Variants in ZNF274 observed in about 807,000 individuals in gnomAD.
The protein encoded by ZNF274 is neurotrophin receptor-interacting factor homolog.
A neutral mutation model predicts 42.5 loss-of-function variants in ZNF274; 23 were observed. The ratio of observed to expected loss-of-function variants is 0.54; its 90% CI spans 0.39 to 0.77. The LOEUF is 0.77. ZNF274 is among the 30% of genes least tolerant of loss of function. The pLI is 0.00. For synonymous variants in ZNF274, 292 were observed against 305.4 expected (o/e 0.96, Z 0.46); for missense variants, 679 against 806.5 (o/e 0.84, Z 1.91).
At chr19:58,200,841 T>C (rs1300068140) in intron 4 of ZNF274, among the ~76,000 whole-genome samples, 1 of 152,098 alleles carries the variant, frequency 6.6e-6, no homozygotes, top group East Asian at 1.9e-4. Context: ...GAGATTTAAT[T>C]GGCTCACAGT....
intron 4 of ZNF274, among the ~76,000 whole-genome samples, chr19:58,201,366 G>A (rs967203017): frequency 6.6e-6 from 1 of 151,554 alleles, no homozygotes; most frequent in South Asian, 2.1e-4. Flanking sequence ...CAGGAGGATG[G>A]TGCTAAGCCA....
intron 4 of ZNF274, among the ~76,000 whole-genome samples, chr19:58,193,336 C>T (rs2075800376): frequency 6.6e-6 from 1 of 150,960 alleles, no homozygotes. Flanking sequence ...TTAGTAGAGA[C>T]AGGGTTTCAC....
Position 58,211,405 on chromosome 19 carries a change from T to G in ZNF274, c.853-155T>G, listed in dbSNP as rs2076038218. 1.1e-6 allele frequency: 1 copy of G among 934,736 alleles called. No homozygotes were observed. The highest frequency in any genetic ancestry group is 1.5e-6 in the Non-Finnish European group (1 of 652,972). 57.9% of individuals were successfully genotyped at this position (934,736 alleles called of 1,614,324 possible). A position where few individuals can be genotyped will look rare whatever the true frequency, so the allele number is the denominator to read the frequency against. On this transcript the variant is annotated intron_variant, in intron 6 of 7. Coordinates refer to ENST00000617501, the MANE Select transcript of ZNF274 (RefSeq NM_133502.3). This position sits in a 1 kb window ranked among gnomAD's most constrained non-coding sequence, Gnocchi z 4.8. The stretch of plus-strand genomic sequence containing the variant: ...TGGTTTGGACCCAGTAGAACTCTTG[T>G]GGGCCCTGGGTTGGTGTCTCTGAGC...
At chr19:58,194,440 C>T (rs556227535) in intron 4 of ZNF274, among the ~76,000 whole-genome samples, 39 of 133,390 alleles carry the variant, frequency 2.9e-4, no homozygotes, top group African/African-American at 1.1e-3. Flanking sequence ...GTGCAGTGGC[C>T]CCATCTCACA....
chr19:58,188,720 AT>A (rs2075742843), intron 4 of ZNF274, among the ~76,000 whole-genome samples: 2 of 123,486 alleles, frequency 1.6e-5, no homozygotes, highest in Non-Finnish European at 3.6e-5. Context: ...ATATATATAT[AT>A]ATAAATCTTT....
At chr19:58,188,755 C>T (rs2075744072) in intron 4 of ZNF274, among the ~76,000 whole-genome samples, 1 of 133,814 alleles carries the variant, frequency 7.5e-6, no homozygotes, top group African/African-American at 2.9e-5. Context: ...GCACCAGGGG[C>T]TCATGCCTAT....
Position 58,212,887 on chromosome 19 carries a change from G to A in ZNF274, c.1706G>A (p.Gly569Glu). 6.2e-7 allele frequency: 1 copy of A among 1,614,042 alleles called. No individual in the cohort carries two copies. Among genetic ancestry groups the A allele is most frequent in the Non-Finnish European group, 8.5e-7 (1 of 1,179,910 alleles). ...GERPFECQECGRTFNDRSAIS... is the reference protein window; with the variant it reads ...GERPFECQECERTFNDRSAIS... ...AGACCATTTGAATGTCAGGAGTGTG[G>A]GAGGACCTTCAATGATCGCTCAGCC... The change falls in exon 8 of 8, where the codon GGG becomes GAG. Residue 569 changes from glycine to glutamate, a missense_variant. By Grantham distance (98) the Gly-to-Glu change is moderately conservative (BLOSUM62 -2). This residue lies in a region of ZNF274 where 456 missense variants were observed against 590.1 expected (regional missense o/e 0.77). Transcript: ENST00000617501. This position sits in a 1 kb window ranked among gnomAD's most constrained non-coding sequence, Gnocchi z 4.6.
intron 4 of ZNF274, among the ~76,000 whole-genome samples, chr19:58,195,665 C>T (rs912838001): frequency 6.6e-6 from 1 of 152,296 alleles, no homozygotes; most frequent in Non-Finnish European, 1.5e-5. Context: ...CAGTCCCCAA[C>T]CTTTTTGGCA....
At chr19:58,206,587 G>T in intron 4 of ZNF274, 133 bp from the exon 5 acceptor site, 1 of 1,021,240 alleles carries the variant, frequency 9.8e-7, no homozygotes, top group South Asian at 1.7e-5. Context: ...ATCTGTCTTT[G>T]GTAACAGCCA....
chr19:58,185,490 G>A (rs1038433706), intron 2 of ZNF274: 1 of 289,042 alleles, frequency 3.5e-6, no homozygotes, highest in African/African-American at 2.2e-5. Context: ...ATATGCTACA[G>A]AGATCTCATG....
intron 4 of ZNF274, among the ~76,000 whole-genome samples, chr19:58,205,913 T>C (rs2075974341): frequency 6.6e-6 from 1 of 152,220 alleles, no homozygotes; most frequent in East Asian, 1.9e-4. Flanking sequence ...GTTCTTTCCC[T>C]ATAACAGCTC....
chr19:58,191,700 C>A (rs1248337896), intron 4 of ZNF274, among the ~76,000 whole-genome samples: 2 of 152,156 alleles, frequency 1.3e-5, no homozygotes, highest in Non-Finnish European at 1.5e-5. Flanking sequence ...AGGGGAGGCT[C>A]ATCAGGAGGT....
At position 58,212,996 on chromosome 19, in the gene ZNF274, C is replaced by A. The variant is rs1244707306; in HGVS notation, c.1815C>A (p.His605Gln). The A allele has an allele frequency of 5.6e-6, 9 of 1,613,886 alleles. No individual in the cohort carries two copies. The highest frequency in any genetic ancestry group is 1.7e-5 in the Admixed American group (1 of 60,006). The change falls in exon 8 of 8, where the codon CAC becomes CAA. Residue 605 changes from histidine (H) to glutamine (Q), a missense_variant. By Grantham distance (24) the His-to-Gln change is conservative. Coordinates refer to ENST00000617501, the MANE Select transcript of ZNF274 (RefSeq NM_133502.3). This position sits in a 1 kb window ranked among gnomAD's most constrained non-coding sequence, Gnocchi z 4.6. ...DCGKAFRQSS[H>Q]LIRHQRTHTG... ...GAAAAGCCTTCCGCCAGAGCTCCCA[C>A]CTCATCAGACATCAGAGGACTCACA...
rs773645841 is a variant in ZNF274 at position 58,186,941 on chromosome 19, G to C, written c.161-6G>C. 1 of 1,612,862 alleles carries C rather than the reference G, an allele frequency of 6.2e-7. No individual in the cohort carries two copies. Among genetic ancestry groups the C allele is most frequent in the East Asian group, 2.2e-5 (1 of 44,870 alleles). On this transcript the variant is annotated splice_region_variant and splice_polypyrimidine_tract_variant and intron_variant, in intron 3 of 7. Coordinates refer to ENST00000617501, the MANE Select transcript of ZNF274 (RefSeq NM_133502.3). Reference sequence around the variant, plus strand: ...CCACAAGCCCTGTCTCTTTTCCTTTGAGCAGAACATCAGCTTTCCAAACCA... The same window carrying C: ...CCACAAGCCCTGTCTCTTTTCCTTTCAGCAGAACATCAGCTTTCCAAACCA...
At chr19:58,201,665 C>T (rs1353152897) in intron 4 of ZNF274, among the ~76,000 whole-genome samples, 2 of 151,952 alleles carry the variant, frequency 1.3e-5, no homozygotes, top group Non-Finnish European at 2.9e-5. Context: ...TACAGGTGCC[C>T]GCCACCTCGC....
intron 6 of ZNF274, 81 bp downstream of exon 6, chr19:58,210,154 G>A (rs956607808): frequency 3.4e-6 from 4 of 1,160,784 alleles, no homozygotes; most frequent in African/African-American, 3.0e-5. Flanking sequence ...ACTCTGCCCT[G>A]GGCTTTCCTA....
intron 4 of ZNF274, among the ~76,000 whole-genome samples, chr19:58,199,082 T>G (rs1270826456): frequency 6.6e-6 from 1 of 151,958 alleles, no homozygotes; most frequent in Non-Finnish European, 1.5e-5. Context: ...ATGATACTAT[T>G]TGGCTGGGCA....
chr19:58,203,911 C>T (rs1464936526), intron 4 of ZNF274, among the ~76,000 whole-genome samples: 1 of 152,220 alleles, frequency 6.6e-6, no homozygotes, highest in Admixed American at 6.5e-5. Context: ...TCTACAATTG[C>T]GCCACCTCGC....
intron 4 of ZNF274, among the ~76,000 whole-genome samples, chr19:58,194,686 T>C (rs1205849431): frequency 6.6e-6 from 1 of 152,036 alleles, no homozygotes; most frequent in Non-Finnish European, 1.5e-5. Flanking sequence ...TGGTCTGTTT[T>C]TTACTTTTTG....
Sources: allele counts gnomAD v4.1 joint callset (sites outside exome capture counted in the v4.1 genomes callset), GRCh38; gene constraint gnomAD v4.1.1; regional missense constraint gnomAD v4.1.1; non-coding constraint Gnocchi (gnomAD v3.1); transcripts MANE v1.5; gene names NCBI Gene and HGNC (gene_info 2026-07-23, HGNC 2026-07-21).